The following DUSP15 variants were observed in gnomAD, a reference collection of about 807,000 sequenced individuals.
The protein encoded by DUSP15 is dual specificity phosphatase 15.
Under a neutral mutation model 26.3 loss-of-function variants are expected in DUSP15, and 23 were observed. The ratio of observed to expected loss-of-function variants is 0.87; its 90% CI spans 0.63 to 1.24. The LOEUF (loss-of-function observed/expected upper bound fraction) is 1.24. Ranked by LOEUF, DUSP15 falls within the 50% of genes most tolerant of loss-of-function variation. The pLI is 0.00. For synonymous variants in DUSP15, 143 were observed against 135.5 expected, an observed-to-expected ratio of 1.06 and a Z score of -0.39; for missense variants, 364 against 320.6, an observed-to-expected ratio of 1.14 and a Z score of -1.03.
At chr20:31,846,249 CACACAGAGACATACACACACAGAA>C (rs997535361), downstream of DUSP15, among the ~76,000 whole-genome samples, 5 of 149,976 alleles carry the variant, frequency 3.3e-5, no homozygotes, top group Non-Finnish European at 7.4e-5. Context: ...CATACACAGA[CACACAGAGACATACACACACAGAA>C]ACACAGAGAC....
chr20:31,866,971 G>C, intron 3 of DUSP15, 100 bp downstream of exon 3: 1 of 1,191,490 alleles, frequency 8.4e-7, no homozygotes, highest in Non-Finnish European at 1.2e-6. Flanking sequence ...GTTAACATGA[G>C]TCAAGAAGGA....
At chr20:31,851,230 T>C (rs897055742) in intron 6 of DUSP15, among the ~76,000 whole-genome samples, 1 of 150,432 alleles carries the variant, frequency 6.6e-6, no homozygotes, top group African/African-American at 2.5e-5. Flanking sequence ...AATGCGGAGG[T>C]GAGGGAGCTG....
chr20:31,857,907 T>G (rs546545388), downstream of DUSP15, among the ~76,000 whole-genome samples: 13 of 152,188 alleles, frequency 8.5e-5, no homozygotes, highest in East Asian at 2.3e-3. Context: ...ATTAGTGCAT[T>G]GGTGGAGTGG....
intron 7 of DUSP15, among the ~76,000 whole-genome samples, chr20:31,850,094 G>T (rs2062442765): frequency 2.0e-5 from 3 of 152,224 alleles, no homozygotes; most frequent in Admixed American, 1.3e-4. Flanking sequence ...GAGCTCTGCG[G>T]TTAAAAGCTG....
downstream of DUSP15, among the ~76,000 whole-genome samples, chr20:31,859,489 A>G (rs960550383): frequency 3.3e-5 from 5 of 152,142 alleles, no homozygotes; most frequent in African/African-American, 1.2e-4. Flanking sequence ...AGCATTGACC[A>G]GAGACTGGAA....
chr20:31,861,845 T>C (rs1000340713), intron 6 of DUSP15, among the ~76,000 whole-genome samples, 170 bp from the exon 7 acceptor site: 1 of 151,056 alleles, frequency 6.6e-6, no homozygotes, highest in Non-Finnish European at 1.5e-5. Flanking sequence ...GGGGTTTCCA[T>C]CCCCTCACTG....
chr20:31,857,149 C>T (rs2123221041), downstream of DUSP15, among the ~76,000 whole-genome samples: 1 of 151,864 alleles, frequency 6.6e-6, no homozygotes, highest in South Asian at 2.1e-4. Flanking sequence ...AGGGGGAGGC[C>T]ACAGAAGGAG....
chr20:31,856,526 G>T (rs190839848), downstream of DUSP15, among the ~76,000 whole-genome samples: 163 of 152,304 alleles, frequency 1.1e-3, no homozygotes, highest in African/African-American at 3.6e-3. Context: ...TCAGCAGAGG[G>T]ACCGAAGAGA....
chr20:31,846,440 A>AAGAGAGAGAG (rs1385705408), downstream of DUSP15, among the ~76,000 whole-genome samples: 112 of 95,318 alleles, frequency 1.2e-3, no homozygotes, highest in African/African-American at 6.3e-3. Flanking sequence ...GAAAGGAATG[A>AAGAGAGAGAG]ATAGAGAGAG....
intron 6 of DUSP15, among the ~76,000 whole-genome samples, chr20:31,852,532 C>T (rs1429955606): frequency 6.6e-6 from 1 of 152,154 alleles, no homozygotes; most frequent in Non-Finnish European, 1.5e-5. Flanking sequence ...AGATGTTGGC[C>T]GGGCATGGTG....
chr20:31,868,069 A>G (rs1485419241), intron 2 of DUSP15, among the ~76,000 whole-genome samples: 1 of 152,256 alleles, frequency 6.6e-6, no homozygotes, highest in African/African-American at 2.4e-5. Context: ...TAGGGGCTGC[A>G]TACCCAGCAT....
chr20:31,858,276 C>G (rs1422024932), downstream of DUSP15, among the ~76,000 whole-genome samples: 1 of 152,218 alleles, frequency 6.6e-6, no homozygotes, highest in Non-Finnish European at 1.5e-5. The surrounding 1 kb of genome is among the most constrained non-coding windows in gnomAD (Gnocchi z 4.4). Flanking sequence ...TCTGTGCCCC[C>G]CCAGTCCCAG....
At chr20:31,866,022 T>A (rs1371908599) in intron 3 of DUSP15, among the ~76,000 whole-genome samples, 4 of 152,224 alleles carry the variant, frequency 2.6e-5, no homozygotes, top group Non-Finnish European at 5.9e-5. Context: ...AAAATAAGAC[T>A]GCAATGGCCT....
intron 6 of DUSP15, among the ~76,000 whole-genome samples, chr20:31,854,205 A>G (rs778115281): frequency 1.3e-5 from 2 of 152,068 alleles, no homozygotes; most frequent in Middle Eastern, 3.4e-3. Context: ...ATTGCACTCA[A>G]TCATTGTTCT....
Position 31,861,363 on chromosome 20 carries a change from G to A in DUSP15, c.*40C>T, listed in dbSNP as rs1370464113. ...GGAAGGCGCAGACAGCCCCCGAAGG[G>A]AGCCAGTCGGAAGTGGGGAGCCACG... On this transcript the variant is annotated 3_prime_UTR_variant, in exon 7 of 7. Transcript: ENST00000339738. The A allele has an allele frequency of 5.4e-6, 8 of 1,488,136 alleles. No homozygotes were observed. Among genetic ancestry groups the A allele is most frequent in the Non-Finnish European group, 6.2e-6 (7 of 1,127,142 alleles). The allele number at this position is 1,488,136 out of a possible 1,614,324, so 92.2% of individuals were successfully genotyped here. A position where few individuals can be genotyped will look rare whatever the true frequency, so the allele number is the denominator to read the frequency against.
chr20:31,850,577 C>T (rs761931163), intron 7 of DUSP15: 1 of 1,594,966 alleles, frequency 6.3e-7, no homozygotes, highest in Non-Finnish European at 8.5e-7. Flanking sequence ...CAGTTCAGCA[C>T]ACTGGTCGGA....
intron 6 of DUSP15, among the ~76,000 whole-genome samples, chr20:31,852,597 G>C (rs1379463486): frequency 6.6e-6 from 1 of 152,112 alleles, no homozygotes; most frequent in Non-Finnish European, 1.5e-5. Flanking sequence ...CATCACCTGA[G>C]GTCAGGAGTT....
Position 31,870,446 on chromosome 20 carries a change from C to A in DUSP15, c.-109G>T. The A allele has an allele frequency of 1.6e-6, 2 of 1,288,080 alleles. No individual in the cohort carries two copies. Among genetic ancestry groups the A allele is most frequent in the Non-Finnish European group, 2.0e-6 (2 of 1,022,196 alleles). The allele number at this position is 1,288,080 out of a possible 1,614,324, so 79.8% of individuals were successfully genotyped here. On this transcript the variant is annotated 5_prime_UTR_variant, in exon 1 of 7. Coordinates refer to ENST00000339738, the MANE Select transcript of DUSP15 (RefSeq NM_080611.5). This position sits in a 1 kb window ranked among gnomAD's most constrained non-coding sequence, Gnocchi z 6.6. ...CCGACGCCTGCAGCCTGGCGGGGAA[C>A]GGGGGGCCTGGCGTCCGCGGCCCTG...
chr20:31,863,951 G>C lies in DUSP15; in HGVS notation c.219C>G (p.Phe73Leu). ...CCCCATTAAGGCGGCAGCAGTGGAT[G>C]AAGTTGATACATTCTTTGAAGTGCT... is the stretch of plus-strand genomic sequence containing the variant. Reference protein sequence around the residue: ...IKKHFKECINFIHCCRLNGGN... With the variant: ...IKKHFKECINLIHCCRLNGGN... Residue 73 changes from phenylalanine to leucine, a missense_variant, in exon 5 of 7, where the codon TTC (phenylalanine) becomes TTG (leucine). Coordinates refer to ENST00000339738, the MANE Select transcript of DUSP15 (RefSeq NM_080611.5). 6.2e-7 allele frequency: 1 copy of C among 1,614,112 alleles called. No homozygotes were observed.
Sources: allele counts gnomAD v4.1 joint callset (sites outside exome capture counted in the v4.1 genomes callset), GRCh38; gene constraint gnomAD v4.1.1; non-coding constraint Gnocchi (gnomAD v3.1); transcripts MANE v1.5; gene names NCBI Gene and HGNC (gene_info 2026-07-23, HGNC 2026-07-21).